Variants in RPS6KA2 observed in about 807,000 individuals in gnomAD.
RPS6KA2 encodes the protein ribosomal protein S6 kinase A2, also known as ribosomal protein S6 kinase alpha-2.
In RPS6KA2, 42 loss-of-function variants were observed where a neutral mutation model predicts 91.8. The observed-to-expected ratio is 0.46, with a 90% CI of 0.36 to 0.59. RPS6KA2 has a LOEUF of 0.59. Ranked by LOEUF, RPS6KA2 falls within the 20% of genes least tolerant of loss-of-function variation. The probability of loss-of-function intolerance (pLI) is 0.00; values close to 1 mark genes in which losing one functional copy is unlikely to be tolerated. For missense variants in RPS6KA2, 798 were observed against 978.5 expected (o/e 0.82, Z 2.46); for synonymous variants, 414 against 393.6 (o/e 1.05, Z -0.61).
chr6:166,830,548 G>A (rs905747539), intron 2 of RPS6KA2, among the ~76,000 whole-genome samples: 1 of 152,150 alleles, frequency 6.6e-6, no homozygotes, highest in Admixed American at 6.5e-5. Context: ...AAAGCTCATC[G>A]CTGATACAAA....
At position 166,423,235 on chromosome 6, in the gene RPS6KA2, C is replaced by T. The variant is rs1778789913; in HGVS notation, c.1743+21G>A. The T allele has an allele frequency of 1.3e-6, 2 of 1,593,378 alleles. No individual in the cohort carries two copies. The stretch of plus-strand genomic sequence containing the variant: ...TCTTTGCGGATAGAGAGGCCTGGGT[C>T]TGCAGTCGGGGAATGCTCACCTCCG... On this transcript the variant is annotated intron_variant, in intron 17 of 20. Coordinates refer to ENST00000265678, the MANE Select transcript of RPS6KA2 (RefSeq NM_021135.6). The surrounding 1 kb of genome is among the most constrained non-coding windows in gnomAD (Gnocchi z 4.8).
chr6:166,433,100 A>T lies in RPS6KA2; in HGVS notation c.1333-610T>A, dbSNP rs2128446638. 6.6e-6 allele frequency among the ~76,000 whole-genome samples: 1 copy of T among 151,952 alleles called. No individual in the cohort carries two copies. The highest frequency in any genetic ancestry group is 1.9e-4 in the East Asian group (1 of 5,142). On this transcript the variant is annotated intron_variant, in intron 14 of 20. Transcript: ENST00000265678. This position sits in a 1 kb window ranked among gnomAD's most constrained non-coding sequence, Gnocchi z 4.4. ...GGAGCTCATGCAAGTGCCACCAAAT[A>T]ACAGACTGTGTCCCACCCTCGCAGT...
intron 2 of RPS6KA2, chr6:166,701,347 T>C: frequency 1.3e-6 from 2 of 1,524,564 alleles, no homozygotes; most frequent in Non-Finnish European, 1.8e-6. Flanking sequence ...CAGCAAAGGA[T>C]GGCACTCTGA....
chr6:166,507,393 C>CACA (rs1382381103), intron 5 of RPS6KA2, among the ~76,000 whole-genome samples: 22 of 148,368 alleles, frequency 1.5e-4, no homozygotes, highest in African/African-American at 1.8e-4. Flanking sequence ...CACACACCCA[C>CACA]CCCACATCAC....
intron 2 of RPS6KA2, among the ~76,000 whole-genome samples, chr6:166,802,543 C>T (rs1035390548): frequency 1.3e-5 from 2 of 152,184 alleles, no homozygotes; most frequent in African/African-American, 2.4e-5. Context: ...GCACGACCGT[C>T]TGCCAGACAC....
At chr6:166,827,187 T>G (rs372642799) in intron 2 of RPS6KA2, among the ~76,000 whole-genome samples, 10 of 148,884 alleles carry the variant, frequency 6.7e-5, no homozygotes, top group African/African-American at 2.2e-4. Flanking sequence ...TTCTCAGGCT[T>G]GTACACCTGA....
At chr6:166,776,588 T>C (rs1351904221) in intron 2 of RPS6KA2, among the ~76,000 whole-genome samples, 2 of 152,106 alleles carry the variant, frequency 1.3e-5, no homozygotes, top group African/African-American at 4.8e-5. Flanking sequence ...TCCCAGTCCC[T>C]GGCAACCAGC....
At chr6:166,598,936 G>C (rs761417867) in intron 1 of RPS6KA2, among the ~76,000 whole-genome samples, 2 of 152,222 alleles carry the variant, frequency 1.3e-5, no homozygotes, top group Admixed American at 1.3e-4. Flanking sequence ...AAACAGTGGG[G>C]TGTCCGATGC....
At chr6:166,762,766 G>A (rs1412796381) in intron 2 of RPS6KA2, among the ~76,000 whole-genome samples, 1 of 152,174 alleles carries the variant, frequency 6.6e-6, no homozygotes, top group Non-Finnish European at 1.5e-5. Context: ...ACTTCTGGGA[G>A]CCAACAAGGA....
At chr6:166,518,819 C>G (rs901352917) in intron 3 of RPS6KA2, among the ~76,000 whole-genome samples, 2 of 152,220 alleles carry the variant, frequency 1.3e-5, no homozygotes, top group Non-Finnish European at 2.9e-5. Context: ...AGTCATTACA[C>G]CAAGCAATGC....
intron 2 of RPS6KA2, among the ~76,000 whole-genome samples, chr6:166,673,668 G>A (rs1359267765): frequency 6.6e-6 from 1 of 152,228 alleles, no homozygotes; most frequent in African/African-American, 2.4e-5. Flanking sequence ...ACGCAGCCCA[G>A]GTCAGCTTTG....
At chr6:166,654,996 G>A (rs975731636) in intron 2 of RPS6KA2, among the ~76,000 whole-genome samples, 1 of 152,156 alleles carries the variant, frequency 6.6e-6, no homozygotes, top group Non-Finnish European at 1.5e-5. Flanking sequence ...CAAGGCTGAG[G>A]GTGGGGGAAG....
intron 20 of RPS6KA2, 124 bp downstream of exon 20, chr6:166,413,670 G>T: frequency 2.0e-6 from 2 of 1,015,698 alleles, no homozygotes; most frequent in Non-Finnish European, 2.9e-6. Flanking sequence ...CGGCGGTGCA[G>T]TTTGGGGCTG....
intron 2 of RPS6KA2, among the ~76,000 whole-genome samples, chr6:166,696,382 A>G (rs1313838287): frequency 6.6e-6 from 1 of 152,198 alleles, no homozygotes; most frequent in Non-Finnish European, 1.5e-5. Context: ...CTCCAAGTTT[A>G]TCTCTATCCT....
intron 2 of RPS6KA2, among the ~76,000 whole-genome samples, chr6:166,716,900 CA>C (rs35157197): frequency 0.86 from 130,250 of 152,136 alleles, 56,063 homozygotes; most frequent in East Asian, 0.96. Flanking sequence ...AAATAAACTG[CA>C]AAAAAAAGGT....
intron 3 of RPS6KA2, among the ~76,000 whole-genome samples, chr6:166,518,023 CTGTG>C (rs1288613557): frequency 1.3e-5 from 2 of 152,108 alleles, no homozygotes; most frequent in African/African-American, 4.8e-5. Context: ...CGCTATATTT[CTGTG>C]TGTGTGTCTT....
chr6:166,744,319 G>A (rs1433607581), intron 2 of RPS6KA2, among the ~76,000 whole-genome samples: 1 of 152,118 alleles, frequency 6.6e-6, no homozygotes, highest in Admixed American at 6.5e-5. Flanking sequence ...CTCGGCCAGC[G>A]TGTGCAGGGG....
At position 166,712,646 on chromosome 6, in the gene RPS6KA2, C is replaced by T. The variant is rs146202341; in HGVS notation, c.123+145554G>A. 1.7e-4 allele frequency among the ~76,000 whole-genome samples: 26 copies of T among 152,314 alleles called. No homozygotes were observed. In the East Asian group the frequency reaches 4.4e-3, roughly 26 times the overall value. ...CTGCAGAAGTAGTGTGAGCCTCTCA[C>T]GCCATGATGAGGTCACAGTTCCCCT... is the stretch of plus-strand genomic sequence containing the variant. On this transcript the variant is annotated intron_variant, in intron 2 of 21. Transcript: ENST00000503859.
At position 166,773,826 on chromosome 6, in the gene RPS6KA2, A is replaced by G. The variant is rs541561331; in HGVS notation, c.123+84374T>C. Among the ~76,000 whole-genome samples, 11 of 152,324 alleles carry G rather than the reference A, an allele frequency of 7.2e-5. No homozygotes were observed. In the South Asian group the frequency reaches 2.1e-3, roughly 29 times the overall value. ...CTAGCTCCACCAGGAAGAAAAAAAA[A>G]CTACCGTTGAGATGACATAAAACGC... is the stretch of plus-strand genomic sequence containing the variant. On this transcript the variant is annotated intron_variant, in intron 2 of 21. Coordinates refer to the RPS6KA2 transcript ENST00000503859.
Sources: allele counts gnomAD v4.1 joint callset (sites outside exome capture counted in the v4.1 genomes callset), GRCh38; gene constraint gnomAD v4.1.1; non-coding constraint Gnocchi (gnomAD v3.1); transcripts MANE v1.5; gene names NCBI Gene and HGNC (gene_info 2026-07-23, HGNC 2026-07-21).